Variants in TBCE observed in about 807,000 individuals in gnomAD.
TBCE encodes the protein tubulin folding cofactor E.
In TBCE, 53 loss-of-function variants were observed where a neutral mutation model predicts 77.0. The observed-to-expected ratio is 0.69, with a 90% confidence interval of 0.55 to 0.87. TBCE has a LOEUF of 0.87. Among genes scored for constraint, TBCE ranks in the 40% least tolerant of loss-of-function variants. The pLI is 0.00. For missense variants in TBCE, 624 were observed against 622.4 expected, an observed-to-expected ratio of 1.00 and a Z score of -0.03; for synonymous variants, 235 against 241.3, an observed-to-expected ratio of 0.97 and a Z score of 0.24.
intron 6 of TBCE, among the ~76,000 whole-genome samples, chr1:235,427,619 C>T (rs982422914): frequency 2.0e-5 from 3 of 152,102 alleles, no homozygotes; most frequent in African/African-American, 7.2e-5. Context: ...ATTTCATTTA[C>T]ATAGTAAGAT....
intron 6 of TBCE, among the ~76,000 whole-genome samples, chr1:235,428,063 G>A (rs562414601): frequency 1.3e-5 from 2 of 151,090 alleles, no homozygotes; most frequent in South Asian, 2.1e-4. Flanking sequence ...AGTGGCTCAC[G>A]CCTGGAATCC....
At chr1:235,431,109 G>A (rs1258400707) in intron 7 of TBCE, among the ~76,000 whole-genome samples, 3 of 152,158 alleles carry the variant, frequency 2.0e-5, no homozygotes, top group South Asian at 2.1e-4. Context: ...TCAAAAAGCC[G>A]TAGTGTTGGC....
chr1:235,430,612 T>G, intron 6 of TBCE, 93 bp from the exon 7 acceptor site: 1 of 859,196 alleles, frequency 1.2e-6, no homozygotes. Flanking sequence ...ATCAAACCCC[T>G]TAGATTAAAA....
chr1:235,448,780 T>C lies in TBCE; in HGVS notation c.*18T>C. 1 of 1,539,436 alleles carries C rather than the reference T, an allele frequency of 6.5e-7. No homozygotes were observed. Among genetic ancestry groups the C allele is most frequent in the Non-Finnish European group, 9.0e-7 (1 of 1,112,672 alleles). On this transcript the variant is annotated 3_prime_UTR_variant, in exon 17 of 17. Coordinates refer to ENST00000642610, the MANE Select transcript of TBCE (RefSeq NM_003193.5). ...GATGGTGACAACCAACTAATAAAAT[T>C]TAAAGACCACACTGCTTATCGTGTC... is the stretch of plus-strand genomic sequence containing the variant.
At chr1:235,435,331 C>T (rs1681376266) in intron 8 of TBCE, among the ~76,000 whole-genome samples, 1 of 152,134 alleles carries the variant, frequency 6.6e-6, no homozygotes, top group Non-Finnish European at 1.5e-5. Context: ...GAACTCCTGA[C>T]CTCAGATGAT....
intron 12 of TBCE, 144 bp downstream of exon 12, chr1:235,437,618 C>G: frequency 1.1e-6 from 1 of 941,862 alleles, no homozygotes; most frequent in Non-Finnish European, 1.6e-6. Context: ...TTGAGACCAG[C>G]CTGGGCAATC....
At chr1:235,440,161 G>A (rs1275927548) in intron 13 of TBCE, among the ~76,000 whole-genome samples, 1 of 152,084 alleles carries the variant, frequency 6.6e-6, no homozygotes, top group Non-Finnish European at 1.5e-5. Flanking sequence ...TAGTAGGGAC[G>A]GGGTTTCACC....
At chr1:235,401,427 G>T in intron 2 of TBCE, 76 bp from the exon 3 acceptor site, 1 of 1,237,418 alleles carries the variant, frequency 8.1e-7, no homozygotes, top group Non-Finnish European at 1.2e-6. Context: ...GCTGCAAATT[G>T]GTATTTGCTT....
At chr1:235,369,761 C>T (rs766583282) in intron 1 of TBCE, among the ~76,000 whole-genome samples, 5 of 146,604 alleles carry the variant, frequency 3.4e-5, no homozygotes, top group South Asian at 2.2e-4. Context: ...TGGGGGCAGG[C>T]GCGGAGGTTG....
intron 2 of TBCE, among the ~76,000 whole-genome samples, chr1:235,395,806 A>G (rs1678686700): frequency 6.6e-6 from 1 of 150,462 alleles, no homozygotes; most frequent in Admixed American, 6.6e-5. Context: ...TAGCCTCCCA[A>G]AGTGCTGAGA....
chr1:235,428,986 T>TATATATATA (rs71174430), intron 6 of TBCE: 1 of 65,982 alleles, frequency 1.5e-5, no homozygotes, highest in African/African-American at 8.0e-5. Flanking sequence ...TATATATATA[T>TATATATATA]TTTTTTTTTT....
chr1:235,432,782 G>A (rs1160734695), intron 7 of TBCE, among the ~76,000 whole-genome samples: 2 of 151,872 alleles, frequency 1.3e-5, no homozygotes, highest in Non-Finnish European at 2.9e-5. Context: ...AGCACTTTGA[G>A]AGGCCCAGGC....
At chr1:235,413,351 A>AC (rs1176229981) in intron 3 of TBCE, among the ~76,000 whole-genome samples, 1 of 145,938 alleles carries the variant, frequency 6.9e-6, no homozygotes, top group African/African-American at 2.6e-5. Context: ...ACAGAGTGAG[A>AC]CCCCCTTTCT....
intron 4 of TBCE, among the ~76,000 whole-genome samples, chr1:235,416,385 G>T (rs1415047138): frequency 2.6e-5 from 4 of 151,924 alleles, no homozygotes; most frequent in Non-Finnish European, 4.4e-5. Context: ...AATTAGCTGG[G>T]TGTAGTGGTG....
chr1:235,398,008 T>A (rs1678848555), intron 2 of TBCE, among the ~76,000 whole-genome samples: 1 of 152,236 alleles, frequency 6.6e-6, no homozygotes. Context: ...TTGCTCCTTC[T>A]GTCTGCTTTG....
intron 3 of TBCE, among the ~76,000 whole-genome samples, chr1:235,407,053 T>C (rs986063620): frequency 4.6e-5 from 7 of 151,296 alleles, no homozygotes; most frequent in Non-Finnish European, 1.0e-4. Context: ...GGTCTCGAAC[T>C]CCCGACCTCA....
rs764620192 is a variant in TBCE, at chr1:235,433,051, A to G, written c.661-1153A>G. 6.4e-6 allele frequency: 10 copies of G among 1,552,910 alleles called. No individual in the cohort carries two copies. The South Asian group carries it at 9.5e-5, about 15-fold the overall frequency. ...GCAGAAATGCTCCACCAGCAACTGC[A>G]TCATCAGTGCCAAGGACCACACATC... On this transcript the variant is annotated intron_variant, in intron 7 of 16. Transcript: ENST00000642610.
At chr1:235,374,828 G>C (rs1677191684) in intron 1 of TBCE, among the ~76,000 whole-genome samples, 1 of 144,804 alleles carries the variant, frequency 6.9e-6, no homozygotes, top group Admixed American at 6.8e-5. Context: ...TGTTGTCTGG[G>C]AAAGGGAATA....
At chr1:235,370,734 CCTTGTCTTTT>C (rs1456181131) in intron 1 of TBCE, among the ~76,000 whole-genome samples, 8 of 145,926 alleles carry the variant, frequency 5.5e-5, no homozygotes, top group African/African-American at 7.7e-5. Context: ...CTTTTTTCCT[CCTTGTCTTTT>C]CTTTTTTTTT....
Sources: allele counts gnomAD v4.1 joint callset (sites outside exome capture counted in the v4.1 genomes callset), GRCh38; gene constraint gnomAD v4.1.1; transcripts MANE v1.5; gene names NCBI Gene and HGNC (gene_info 2026-07-23, HGNC 2026-07-21).